LHFPL3: variants seen among roughly 807,000 people sequenced by gnomAD.
LHFPL3 encodes LHFPL tetraspan subfamily member 3 protein.
A neutral mutation model predicts 19.3 loss-of-function variants in LHFPL3; 5 were observed. The ratio of observed to expected loss-of-function variants is 0.26; its 90% CI spans 0.14 to 0.54. LHFPL3 has a LOEUF of 0.54. LHFPL3 is among the 20% of genes least tolerant of loss of function. The pLI is 0.94. For missense variants in LHFPL3, 249 were observed against 307.4 expected (o/e 0.81, Z 1.42); for synonymous variants, 133 against 126.2 (o/e 1.05, Z -0.36).
At chr7:104,771,306 T>C (rs539147744) in intron 2 of LHFPL3, among the ~76,000 whole-genome samples, 1 of 152,338 alleles carries the variant, frequency 6.6e-6, no homozygotes, top group African/African-American at 2.4e-5. Context: ...TTTCATTTCA[T>C]TTCGTTTCAT....
intron 1 of LHFPL3, among the ~76,000 whole-genome samples, chr7:104,465,140 G>T (rs186450932): frequency 2.1e-5 from 3 of 143,034 alleles, no homozygotes; most frequent in Non-Finnish European, 3.1e-5. Context: ...CTCCCAAAAA[G>T]TTCCCATCTC....
At chr7:104,433,776 G>A (rs1792046106) in intron 1 of LHFPL3, among the ~76,000 whole-genome samples, 1 of 151,986 alleles carries the variant, frequency 6.6e-6, no homozygotes, top group Non-Finnish European at 1.5e-5. Context: ...CTTGAACTTA[G>A]CCCTGTTTTA....
chr7:104,581,845 G>T (rs1387434709), intron 1 of LHFPL3, among the ~76,000 whole-genome samples: 1 of 151,902 alleles, frequency 6.6e-6, no homozygotes, highest in Non-Finnish European at 1.5e-5. Flanking sequence ...TGATCAGTTT[G>T]TCTATTCTTA....
chr7:104,382,447 T>C (rs755889560), intron 1 of LHFPL3, among the ~76,000 whole-genome samples: 3 of 152,190 alleles, frequency 2.0e-5, no homozygotes, highest in Non-Finnish European at 2.9e-5. Context: ...AAGATGCTTT[T>C]GATACATGCT....
chr7:104,554,977 G>A (rs10251535), intron 1 of LHFPL3, among the ~76,000 whole-genome samples: 1,903 of 152,274 alleles, frequency 0.012, 39 homozygotes, highest in African/African-American at 0.043. Flanking sequence ...CCAGGAGAAA[G>A]GAAGAGAGCA....
chr7:104,332,537 C>G (rs1013883029), intron 1 of LHFPL3, among the ~76,000 whole-genome samples: 2 of 152,060 alleles, frequency 1.3e-5, no homozygotes, highest in Admixed American at 6.6e-5. Flanking sequence ...AGCCAAAATC[C>G]TATTTCAAGT....
intron 2 of LHFPL3, among the ~76,000 whole-genome samples, chr7:104,742,650 T>C (rs1323547496): frequency 6.6e-6 from 1 of 152,178 alleles, no homozygotes; most frequent in Non-Finnish European, 1.5e-5. Flanking sequence ...AAAATTAAGC[T>C]TCCTGGCCTG....
intron 1 of LHFPL3, among the ~76,000 whole-genome samples, chr7:104,603,064 C>A (rs932254385): frequency 1.6e-5 from 2 of 127,136 alleles, no homozygotes; most frequent in Non-Finnish European, 3.4e-5. Context: ...TTCTTTCTTT[C>A]TTTTTCTTTC....
chr7:104,474,517 A>G (rs752367085), intron 1 of LHFPL3, among the ~76,000 whole-genome samples: 3 of 151,928 alleles, frequency 2.0e-5, no homozygotes, highest in African/African-American at 4.8e-5. Flanking sequence ...ACAAAATAAA[A>G]TTAGCCGGGC....
intron 1 of LHFPL3, among the ~76,000 whole-genome samples, chr7:104,534,458 C>G (rs1222972025): frequency 6.6e-6 from 1 of 152,200 alleles, no homozygotes; most frequent in Non-Finnish European, 1.5e-5. Flanking sequence ...ATGTCTCTTA[C>G]CTTTCGGAAT....
chr7:104,497,655 G>C (rs1013581602), intron 1 of LHFPL3, among the ~76,000 whole-genome samples: 1 of 150,964 alleles, frequency 6.6e-6, no homozygotes, highest in South Asian at 2.1e-4. Context: ...GGAAAGGAGA[G>C]CACAAACATA....
At chr7:104,792,451 T>G (rs1208281472) in intron 2 of LHFPL3, among the ~76,000 whole-genome samples, 1 of 152,220 alleles carries the variant, frequency 6.6e-6, no homozygotes, top group Non-Finnish European at 1.5e-5. Context: ...CTACTTATTT[T>G]AGTTCACCTT....
chr7:104,827,812 G>A lies in LHFPL3; in HGVS notation c.683-78375G>A, dbSNP rs371260299. On this transcript the variant is annotated intron_variant, in intron 2 of 2. Coordinates refer to ENST00000424859, the MANE Select transcript of LHFPL3 (RefSeq NM_199000.3). Reference sequence around the variant, plus strand: ...GGAGATGCTTGGTTCATCTCACCACGTGAACTCCTTCAAAAGACCTGTGCC... The same window carrying A: ...GGAGATGCTTGGTTCATCTCACCACATGAACTCCTTCAAAAGACCTGTGCC... Among the ~76,000 whole-genome samples, 10 of 151,926 alleles carry A rather than the reference G, an allele frequency of 6.6e-5. No homozygotes were observed. In the East Asian group the frequency reaches 1.5e-3, roughly 23 times the overall value.
intron 2 of LHFPL3, among the ~76,000 whole-genome samples, chr7:104,787,553 C>T (rs1477638821): frequency 2.0e-5 from 3 of 152,238 alleles, no homozygotes; most frequent in African/African-American, 7.2e-5. Context: ...AGAGAGATAA[C>T]GAAAATCTCT....
At chr7:104,417,119 G>C (rs531738831) in intron 1 of LHFPL3, among the ~76,000 whole-genome samples, 1 of 152,256 alleles carries the variant, frequency 6.6e-6, no homozygotes, top group East Asian at 1.9e-4. Flanking sequence ...ATTCCATTAC[G>C]TTGATGTCTT....
At chr7:104,874,852 T>C (rs1378106298) in intron 2 of LHFPL3, among the ~76,000 whole-genome samples, 2 of 151,964 alleles carry the variant, frequency 1.3e-5, no homozygotes, top group African/African-American at 4.8e-5. Context: ...TTTGGTTCTT[T>C]TTCCTTTTTT....
At chr7:104,354,222 C>T (rs565302692) in intron 1 of LHFPL3, among the ~76,000 whole-genome samples, 2 of 152,328 alleles carry the variant, frequency 1.3e-5, no homozygotes, top group Non-Finnish European at 1.5e-5. Flanking sequence ...ACCTCTGGCT[C>T]GTTATTGCTG....
chr7:104,565,319 A>G (rs1043182146), intron 1 of LHFPL3, among the ~76,000 whole-genome samples: 1 of 152,232 alleles, frequency 6.6e-6, no homozygotes. Flanking sequence ...ACCTCCTAAT[A>G]AGAAAGTTCT....
chr7:104,629,534 G>A (rs1215133535), intron 1 of LHFPL3, among the ~76,000 whole-genome samples: 5 of 152,082 alleles, frequency 3.3e-5, no homozygotes, highest in Admixed American at 6.6e-5. Flanking sequence ...CTTTTCACCC[G>A]GAAATGGAAG....
Sources: gnomAD v4.1 joint callset for allele counts (sites outside exome capture counted in the v4.1 genomes callset) on GRCh38, gnomAD v4.1.1 for gene constraint, MANE v1.5 for transcripts, NCBI Gene and HGNC (gene_info 2026-07-23, HGNC 2026-07-21) for gene names.